Variants in FASN observed in about 807,000 individuals in gnomAD.
FASN encodes the protein 3-hydroxyacyl-[acyl-carrier-protein] dehydratase.
In FASN, 50 loss-of-function variants were observed where a neutral mutation model predicts 250.0. The ratio of observed to expected loss-of-function variants is 0.20; its 90% CI spans 0.16 to 0.25. The LOEUF is 0.25. Ranked by LOEUF, FASN falls within the 10% of genes least tolerant of loss-of-function variation. The probability of loss-of-function intolerance (pLI) is 1.00; values close to 1 mark genes in which losing one functional copy is unlikely to be tolerated. For missense variants in FASN, 3,031 were observed against 3,498.5 expected (o/e 0.87, Z 3.37); for synonymous variants, 1,909 against 1,584.0 (o/e 1.21, Z -4.87).
rs776323721 is a variant in FASN at position 82,084,117 on chromosome 17, G to A, written c.4956C>T (p.Tyr1652=). Residue 1652 remains tyrosine (Y), a synonymous_variant, in exon 29 of 43, where the codon TAC becomes TAT. Transcript: ENST00000306749. ...CCACCAGCGCGTAGTAGGCCGTGCTGTAGACGACAGGCACCGAGGCCGCCT... is the reference window on the plus strand; with the variant it reads ...CCACCAGCGCGTAGTAGGCCGTGCTATAGACGACAGGCACCGAGGCCGCCT... ...LEEAASVPVV[Y]STAYYALVVR... is the part of the protein sequence containing the mutation. 8.9e-6 allele frequency: 14 copies of A among 1,580,880 alleles called. No individual in the cohort carries two copies. The East Asian group carries it at 2.3e-4, about 27-fold the overall frequency.
At position 82,082,359 on chromosome 17, in the gene FASN, C is replaced by T. The variant is rs377184249; in HGVS notation, c.5975G>A (p.Cys1992Tyr). The T allele has an allele frequency of 6.2e-7, 1 of 1,612,900 alleles. No individual in the cohort carries two copies. Among genetic ancestry groups the T allele is most frequent in the Non-Finnish European group, 8.5e-7 (1 of 1,180,002 alleles). ...CAGGGTGCCGCTGTACTTGGGCTTG[C>T]AGACGTCCTGGAAGAACTCTGGGGT... is the stretch of plus-strand genomic sequence containing the variant. ...NQTPEFFQDV[C>Y]KPKYSGTLNL... The change falls in exon 35 of 43, where the codon TGC becomes TAC. Residue 1992 changes from cysteine (C) to tyrosine (Y), a missense_variant. Coordinates refer to ENST00000306749, the MANE Select transcript of FASN (RefSeq NM_004104.5).
intron 1 of FASN, chr17:82,096,677 G>C (rs2034309750): frequency 1.6e-6 from 1 of 623,396 alleles, no homozygotes; most frequent in Admixed American, 2.4e-5. Flanking sequence ...CCGCCTCTGG[G>C]CCCTGACCCA....
At chr17:82,092,200 C>G (rs17848926) in intron 8 of FASN, among the ~76,000 whole-genome samples, 10,155 of 152,244 alleles carry the variant, frequency 0.067, 393 homozygotes, top group South Asian at 0.082. Context: ...TCCTCCAGCT[C>G]GGCTCCGTGT....
At position 82,078,813 on chromosome 17, in the gene FASN, A is replaced by C. The variant is rs1314463705; in HGVS notation, c.*330T>G. On this transcript the variant is annotated 3_prime_UTR_variant, in exon 43 of 43. Transcript: ENST00000306749. This position sits in a 1 kb window ranked among gnomAD's most constrained non-coding sequence, Gnocchi z 5.4. ...GCCTGGGGGTCTCTACCAGCAATGC[A>C]ATAAATATGCAAATCCAAGCACAGA... The C allele has an allele frequency of 3.0e-5, 13 of 434,600 alleles. No homozygotes were observed. Among genetic ancestry groups the C allele is most frequent in the Non-Finnish European group, 1.3e-5 (3 of 232,112 alleles). 26.9% of individuals were successfully genotyped at this position (434,600 alleles called of 1,614,324 possible). A position where few individuals can be genotyped will look rare whatever the true frequency, so the allele number is the denominator to read the frequency against.
Position 82,083,233 on chromosome 17 carries a change from TGG to T in FASN, c.5532_5533del (p.Gln1845ArgfsTer167). The T allele has an allele frequency of 6.2e-7, 1 of 1,612,708 alleles. No individual in the cohort carries two copies. The highest frequency in any genetic ancestry group is 1.1e-5 in the South Asian group (1 of 91,084). ...GACGACTTTGCCAATGTGCTTCCCT[TGG>T]GCCATGTAGCGGAAGGCGTCCTCCA... is the stretch of plus-strand genomic sequence containing the variant. On this transcript the variant is annotated frameshift_variant, in exon 32 of 43. Coordinates refer to ENST00000306749, the MANE Select transcript of FASN (RefSeq NM_004104.5). LOFTEE classifies it high-confidence loss of function.
chr17:82,088,827 A>G lies in FASN; in HGVS notation c.2354T>C (p.Met785Thr). 3 of 1,612,550 alleles carry G rather than the reference A, an allele frequency of 1.9e-6. No homozygotes were observed. The highest frequency in any genetic ancestry group is 2.5e-6 in the Non-Finnish European group (3 of 1,179,800). Residue 785 changes from methionine to threonine, a missense_variant, in exon 15 of 43, where the codon ATG (methionine) becomes ACG (threonine). Physicochemically the swap from Met to Thr is moderately conservative, Grantham distance 81 (BLOSUM62 -1). Coordinates refer to ENST00000306749, the MANE Select transcript of FASN (RefSeq NM_004104.5). ...LKPSCTIIPLMKKDHRDNLEF... is the reference protein window; with the variant it reads ...LKPSCTIIPLTKKDHRDNLEF... ...CAGGTTGTCCCTGTGATCCTTCTTC[A>G]TCAGGGGGATGATGGTGCAGCTCGG...
rs1428595145 is a variant in FASN at position 82,089,142 on chromosome 17, G to A, written c.2131C>T (p.Arg711Cys). 24 of 1,569,746 alleles carry A rather than the reference G, an allele frequency of 1.5e-5. No individual in the cohort carries two copies. Among genetic ancestry groups the A allele is most frequent in the East Asian group, 4.8e-5 (2 of 41,774 alleles). Reference protein sequence around the residue: ...VIREPKPRSARWLSTSIPEAQ... With the variant: ...VIREPKPRSACWLSTSIPEAQ... The stretch of plus-strand genomic sequence containing the variant: ...TCGGGGATAGAGGTGCTGAGCCAGC[G>A]GGCTGAACGTGGCTTCGGCTCCCGG... The change falls in exon 14 of 43, where the codon CGC (arginine) becomes TGC (cysteine). Residue 711 changes from arginine (R) to cysteine (C), a missense_variant. Arg to Cys is a radical substitution (Grantham distance 180, BLOSUM62 -3). Coordinates refer to ENST00000306749, the MANE Select transcript of FASN (RefSeq NM_004104.5).
In FASN at chr17:82,084,082, C is replaced by T. The variant is rs199547232; in HGVS notation, c.4991G>A (p.Arg1664Gln). ...GAGCAGCGTCTCCCCGGGGCGCACC[C>T]GCCCACGCACCACCAGCGCGTAGTA... is the stretch of plus-strand genomic sequence containing the variant. ...TAYYALVVRG[R>Q]VRPGETLLIH... is the part of the protein sequence containing the mutation. The change falls in exon 29 of 43, where the codon CGG (arginine) becomes CAG (glutamine). Residue 1664 changes from arginine to glutamine, a missense_variant. By Grantham distance (43) the Arg-to-Gln change is conservative. Coordinates refer to ENST00000306749, the MANE Select transcript of FASN (RefSeq NM_004104.5). The T allele has an allele frequency of 1.5e-5, 24 of 1,557,798 alleles. No individual in the cohort carries two copies. The highest frequency in any genetic ancestry group is 1.7e-4 in the Middle Eastern group (1 of 6,024).
chr17:82,082,013 G>A lies in FASN; in HGVS notation c.6159C>T (p.Leu2053=), dbSNP rs2033998019. The change falls in exon 36 of 43, where the codon CTC becomes CTT. Residue 2053 remains leucine (L), a synonymous_variant. Transcript: ENST00000306749. ...RICEKRRHEG[L]PGLAVQWGAI... ...AGGGGAGAGGGTGGGGCCCACCTGG[G>A]AGGCCTTCGTGCCGGCGTTTCTCAC... is the stretch of plus-strand genomic sequence containing the variant. 2 of 1,607,870 alleles carry A rather than the reference G, an allele frequency of 1.2e-6. No homozygotes were observed. The highest frequency in any genetic ancestry group is 8.5e-7 in the Non-Finnish European group (1 of 1,179,910).
intron 10 of FASN, 73 bp from the exon 11 acceptor site, chr17:82,090,637 C>T: frequency 7.2e-6 from 10 of 1,384,510 alleles, no homozygotes; most frequent in Admixed American, 1.9e-5. Flanking sequence ...CCCGGCCCCA[C>T]TAGGCCATCT....
Position 82,087,245 on chromosome 17 carries a change from C to A in FASN, c.3232G>T (p.Val1078Leu), listed in dbSNP as rs146146551. ...TLQDKAQVAD[V>L]VVSRWLRVTV... The stretch of plus-strand genomic sequence containing the variant: ...ACCCTCAGCCACCTGCTCACCACCA[C>A]GTCAGCCACTGTGGGGACAGGCTGG... The change falls in exon 21 of 43, where the codon GTG (valine) becomes TTG (leucine). Residue 1078 changes from valine to leucine, a missense_variant. Physicochemically the swap from Val to Leu is conservative, Grantham distance 32. Transcript: ENST00000306749. 6.2e-7 allele frequency: 1 copy of A among 1,606,948 alleles called. No individual in the cohort carries two copies. The highest frequency in any genetic ancestry group is 2.2e-5 in the East Asian group (1 of 44,622).
chr17:82,082,243 C>CT, intron 35 of FASN, 80 bp downstream of exon 35: 1 of 1,603,220 alleles, frequency 6.2e-7, no homozygotes, highest in Non-Finnish European at 8.5e-7. Flanking sequence ...CCAGAGAGGG[C>CT]TGTCAACAAA....
At chr17:82,086,942 T>G in intron 21 of FASN, 108 bp downstream of exon 21, 1 of 1,284,112 alleles carries the variant, frequency 7.8e-7, no homozygotes, top group Non-Finnish European at 1.1e-6. Flanking sequence ...CTAGGGTTGC[T>G]GACCCCAAAG....
rs760506156 is a variant in FASN at position 82,085,559 on chromosome 17, G to A, written c.4045C>T (p.Arg1349Trp). 135 of 1,595,204 alleles carry A rather than the reference G, an allele frequency of 8.5e-5. 1 individual carries two copies. In the Admixed American group the frequency reaches 1.1e-3, roughly 13 times the overall value. ...GGFLLLHTLL[R>W]GHPLGDIVAF... ...ACGATGTCCCCGAGGGGGTGCCCCCGGAGCAGTGTGTGCAGGAGCAGAAAG... is the reference window on the plus strand; with the variant it reads ...ACGATGTCCCCGAGGGGGTGCCCCCAGAGCAGTGTGTGCAGGAGCAGAAAG... The change falls in exon 23 of 43, where the codon CGG becomes TGG. Residue 1349 changes from arginine (R) to tryptophan (W), a missense_variant. Arg to Trp is a moderately radical substitution (Grantham distance 101). Transcript: ENST00000306749.
chr17:82,096,684 C>A, intron 1 of FASN: 1 of 603,770 alleles, frequency 1.7e-6, no homozygotes, highest in South Asian at 1.8e-5. Flanking sequence ...TGGGCCCTGA[C>A]CCATTCAGTT....
intron 22 of FASN, 84 bp downstream of exon 22, chr17:82,086,168 CGT>C: frequency 1.3e-6 from 2 of 1,531,296 alleles, no homozygotes; most frequent in Non-Finnish European, 8.7e-7. Context: ...GGGCCCGCCC[CGT>C]GTCTGTGCTG....
intron 21 of FASN, 96 bp from the exon 22 acceptor site, chr17:82,086,654 AC>A: frequency 2.2e-6 from 2 of 914,172 alleles, no homozygotes; most frequent in Non-Finnish European, 1.7e-6. Context: ...TGGGGCCACC[AC>A]CCCGCTCTGC....
chr17:82,081,675 A>C lies in FASN; in HGVS notation c.6332T>G (p.Leu2111Arg), dbSNP rs1485168622. Residue 2111 changes from leucine to arginine, a missense_variant, in exon 37 of 43, where the codon CTG (leucine) becomes CGG (arginine). Leu to Arg is a moderately radical substitution (Grantham distance 102, BLOSUM62 -2). Coordinates refer to ENST00000306749, the MANE Select transcript of FASN (RefSeq NM_004104.5). ...CCTATAGGCCGCAGCCTTCTCAGCCAGCACAAAGCTGCTCAGGACCATGTG... is the reference window on the plus strand; with the variant it reads ...CCTATAGGCCGCAGCCTTCTCAGCCCGCACAAAGCTGCTCAGGACCATGTG... ...QPHMVLSSFV[L>R]AEKAAAYRDR... 1 of 1,612,668 alleles carries C rather than the reference A, an allele frequency of 6.2e-7. No homozygotes were observed. The highest frequency in any genetic ancestry group is 8.5e-7 in the Non-Finnish European group (1 of 1,180,004).
chr17:82,091,302 G>C lies in FASN; in HGVS notation c.1412C>G (p.Ala471Gly). ...PATAMPFRGY[A>G]VLGGERGGPE... ...GCCACCGCGCTCACCACCCAGCACAGCGTAGCCACGGAAGGGCATGGCGGT... is the reference window on the plus strand; with the variant it reads ...GCCACCGCGCTCACCACCCAGCACACCGTAGCCACGGAAGGGCATGGCGGT... Residue 471 changes from alanine (A) to glycine (G), a missense_variant, in exon 9 of 43, where the codon GCT becomes GGT. Physicochemically the swap from Ala to Gly is moderately conservative, Grantham distance 60 (BLOSUM62 0). Coordinates refer to ENST00000306749, the MANE Select transcript of FASN (RefSeq NM_004104.5). 6.2e-7 allele frequency: 1 copy of C among 1,610,468 alleles called. No individual in the cohort carries two copies. Among genetic ancestry groups the C allele is most frequent in the Non-Finnish European group, 8.5e-7 (1 of 1,179,258 alleles).
Sources: gnomAD v4.1 joint callset for allele counts (sites outside exome capture counted in the v4.1 genomes callset) on GRCh38, gnomAD v4.1.1 for gene constraint, Gnocchi (gnomAD v3.1) non-coding constraint, MANE v1.5 for transcripts, NCBI Gene and HGNC (gene_info 2026-07-23, HGNC 2026-07-21) for gene names.